The following KCNN2 variants were observed in gnomAD, a reference collection of about 807,000 sequenced individuals.
The protein encoded by KCNN2 is small conductance calcium-activated potassium channel protein 2.
Under a neutral mutation model 55.5 loss-of-function variants are expected in KCNN2, and 24 were observed. That is an observed-to-expected ratio of 0.43 (90% CI 0.31 to 0.61). The LOEUF is 0.61. Among genes scored for constraint, KCNN2 ranks in the 20% least tolerant of loss-of-function variants. The pLI, the probability that KCNN2 is intolerant of heterozygous loss-of-function variation, is 0.08. For missense variants in KCNN2, 754 were observed against 853.6 expected, an observed-to-expected ratio of 0.88 and a Z score of 1.45; for synonymous variants, 431 against 336.1, an observed-to-expected ratio of 1.28 and a Z score of -3.09.
intron 2 of KCNN2, among the ~76,000 whole-genome samples, chr5:114,247,915 TATAATTATCTTCAGA>T (rs1754779589): frequency 6.6e-6 from 1 of 151,854 alleles, no homozygotes. Flanking sequence ...TGCATCTCAG[TATAATTATCTTCAGA>T]ATTCTATCTT....
At chr5:114,408,826 A>T (rs952821297) in intron 3 of KCNN2, among the ~76,000 whole-genome samples, 2 of 152,222 alleles carry the variant, frequency 1.3e-5, no homozygotes, top group Non-Finnish European at 1.5e-5. Context: ...TAAATACAGA[A>T]TGCCAAGGCA....
At chr5:114,251,085 G>A (rs573553868) in intron 2 of KCNN2, among the ~76,000 whole-genome samples, 4 of 152,244 alleles carry the variant, frequency 2.6e-5, no homozygotes, top group Non-Finnish European at 4.4e-5. Flanking sequence ...CTGGTAATGC[G>A]GTACATTGCA....
intron 2 of KCNN2, among the ~76,000 whole-genome samples, chr5:114,297,250 G>T (rs1286385442): frequency 6.6e-6 from 1 of 152,076 alleles, no homozygotes; most frequent in Non-Finnish European, 1.5e-5. Context: ...TCCAGGAGTT[G>T]GAGGTTACAG....
intron 5 of KCNN2, among the ~76,000 whole-genome samples, chr5:114,478,296 A>G (rs151264315): frequency 3.3e-5 from 5 of 152,340 alleles, no homozygotes; most frequent in East Asian, 3.9e-4. Context: ...CTTTTAAACT[A>G]TGTTGTCATT....
chr5:114,228,816 G>A (rs1754296855), intron 2 of KCNN2, among the ~76,000 whole-genome samples: 1 of 151,884 alleles, frequency 6.6e-6, no homozygotes, highest in South Asian at 2.1e-4. Context: ...TGTAAGGTTT[G>A]TATCATGTTT....
intron 5 of KCNN2, among the ~76,000 whole-genome samples, chr5:114,474,336 A>G (rs1761878483): frequency 6.6e-6 from 1 of 152,162 alleles, no homozygotes; most frequent in African/African-American, 2.4e-5. Flanking sequence ...GTGATACTTC[A>G]TTGCAGTTAG....
At chr5:114,091,897 G>A (rs1751150921) in intron 1 of KCNN2, among the ~76,000 whole-genome samples, 1 of 152,160 alleles carries the variant, frequency 6.6e-6, no homozygotes, top group Non-Finnish European at 1.5e-5. Flanking sequence ...TGGGGATTAT[G>A]GGGATTATGA....
At chr5:114,453,476 C>A (rs1188091573) in intron 3 of KCNN2, among the ~76,000 whole-genome samples, 1 of 152,188 alleles carries the variant, frequency 6.6e-6, no homozygotes, top group Non-Finnish European at 1.5e-5. Context: ...AGTCATCTGC[C>A]ATGACTTAGG....
intron 2 of KCNN2, among the ~76,000 whole-genome samples, chr5:114,288,891 A>G (rs1755821352): frequency 6.6e-6 from 1 of 151,678 alleles, no homozygotes; most frequent in Non-Finnish European, 1.5e-5. Flanking sequence ...TTTTTTTTTC[A>G]TTGCTTATGC....
chr5:114,321,208 C>T (rs1287982280), intron 2 of KCNN2, among the ~76,000 whole-genome samples: 1 of 152,144 alleles, frequency 6.6e-6, no homozygotes, highest in Admixed American at 6.5e-5. Flanking sequence ...AATTTACCCC[C>T]ATTGTTCTTC....
rs1303919309 is a variant in KCNN2, at chr5:114,496,229, T to A, written c.*47T>A. ...AATAAGACTTTTTGCCATCATATGG[T>A]CAATATTTTAGCTTTTATTGTAAAG... On this transcript the variant is annotated 3_prime_UTR_variant, in exon 8 of 8. Coordinates refer to ENST00000673685, the MANE Select transcript of KCNN2 (RefSeq NM_021614.4). 1 of 1,586,024 alleles carries A rather than the reference T, an allele frequency of 6.3e-7. No homozygotes were observed. Among genetic ancestry groups the A allele is most frequent in the Admixed American group, 1.7e-5 (1 of 59,114 alleles).
chr5:114,412,947 A>G (rs1177480077), intron 3 of KCNN2, among the ~76,000 whole-genome samples: 1 of 152,218 alleles, frequency 6.6e-6, no homozygotes, highest in East Asian at 1.9e-4. Context: ...AACTCTAAGT[A>G]TTTCATCAAT....
chr5:114,394,311 C>T (rs967534084), intron 2 of KCNN2, among the ~76,000 whole-genome samples: 1 of 152,094 alleles, frequency 6.6e-6, no homozygotes, highest in Non-Finnish European at 1.5e-5. Context: ...GGCTTGTATC[C>T]TGCATTCATT....
chr5:114,343,952 C>A (rs540836240), intron 2 of KCNN2, among the ~76,000 whole-genome samples: 1 of 152,264 alleles, frequency 6.6e-6, no homozygotes, highest in East Asian at 1.9e-4. Flanking sequence ...CATCTGAGAA[C>A]AGAGCACCTT....
chr5:114,274,792 T>C (rs1755449253), intron 2 of KCNN2, among the ~76,000 whole-genome samples: 1 of 152,186 alleles, frequency 6.6e-6, no homozygotes, highest in African/African-American at 2.4e-5. Flanking sequence ...CAGAGACAAT[T>C]TGACTTCCTC....
chr5:114,307,117 C>T (rs1389900789), intron 2 of KCNN2, among the ~76,000 whole-genome samples: 6 of 152,152 alleles, frequency 3.9e-5, no homozygotes, highest in Non-Finnish European at 5.9e-5. Flanking sequence ...GTGCAGTTAT[C>T]TGTAAGTGGC....
intron 2 of KCNN2, among the ~76,000 whole-genome samples, chr5:114,366,561 A>G (rs1055592211): frequency 6.6e-6 from 1 of 152,228 alleles, no homozygotes; most frequent in Non-Finnish European, 1.5e-5. Context: ...CTGAACTGGA[A>G]GTCAAGAACC....
At chr5:114,221,133 A>C (rs930846991) in intron 1 of KCNN2, among the ~76,000 whole-genome samples, 1 of 152,194 alleles carries the variant, frequency 6.6e-6, no homozygotes, top group Non-Finnish European at 1.5e-5. Flanking sequence ...CTGTTCTTTA[A>C]TTTCATGACT....
chr5:114,226,900 C>CAAAA (rs34719469), intron 2 of KCNN2, among the ~76,000 whole-genome samples: 15 of 86,710 alleles, frequency 1.7e-4, no homozygotes, highest in Non-Finnish European at 2.6e-4. Flanking sequence ...GACTCCGTCT[C>CAAAA]AAAAAAAAAA....
Sources: gnomAD v4.1 joint callset for allele counts (sites outside exome capture counted in the v4.1 genomes callset) on GRCh38, gnomAD v4.1.1 for gene constraint, MANE v1.5 for transcripts, NCBI Gene and HGNC (gene_info 2026-07-23, HGNC 2026-07-21) for gene names.